FAT3: variants seen among roughly 807,000 people sequenced by gnomAD.
FAT3 encodes protocadherin Fat 3.
Under a neutral mutation model 310.2 loss-of-function variants are expected in FAT3, and 95 were observed. The observed-to-expected ratio is 0.31, with a 90% confidence interval of 0.26 to 0.36. FAT3 has a LOEUF of 0.36. FAT3 is among the 10% of genes least tolerant of loss of function. FAT3 has a pLI of 1.00. For synonymous variants in FAT3, 2,314 were observed against 2,192.9 expected (o/e 1.06, Z -1.54); for missense variants, 5,408 against 5,715.6 (o/e 0.95, Z 1.74).
At chr11:92,829,245 T>C (rs577027656) in intron 13 of FAT3, among the ~76,000 whole-genome samples, 35 of 152,256 alleles carry the variant, frequency 2.3e-4, no homozygotes, top group African/African-American at 7.9e-4. Context: ...ATCAGTGAAA[T>C]GGATTTTGTA....
intron 4 of FAT3, among the ~76,000 whole-genome samples, chr11:92,698,048 G>A (rs1469105556): frequency 6.6e-6 from 1 of 152,156 alleles, no homozygotes; most frequent in African/African-American, 2.4e-5. Flanking sequence ...CTTTCTTTAA[G>A]CATCGAGTGT....
At chr11:92,783,569 G>A (rs963593591) in intron 7 of FAT3, among the ~76,000 whole-genome samples, 4 of 151,182 alleles carry the variant, frequency 2.6e-5, no homozygotes, top group African/African-American at 9.7e-5. Context: ...CACTTTGGGA[G>A]GCCAAGGTGG....
At chr11:92,688,579 G>A (rs1343265556) in intron 3 of FAT3, among the ~76,000 whole-genome samples, 2 of 152,078 alleles carry the variant, frequency 1.3e-5, no homozygotes, top group African/African-American at 4.8e-5. Context: ...CTCTGGGTGT[G>A]GGACCCTGAC....
At chr11:92,752,011 C>T (rs1220759512) in intron 4 of FAT3, among the ~76,000 whole-genome samples, 3 of 152,016 alleles carry the variant, frequency 2.0e-5, no homozygotes, top group African/African-American at 7.2e-5. Context: ...AGCAGGCGTG[C>T]AATAAGTGCT....
intron 2 of FAT3, chr11:92,406,617 G>A (rs549858753): frequency 1.3e-5 from 2 of 152,170 alleles, no homozygotes; most frequent in African/African-American, 2.4e-5. Context: ...TTGCTGCCAC[G>A]AAAGCTGTGC....
chr11:92,758,990 A>T (rs935757367), intron 4 of FAT3, among the ~76,000 whole-genome samples: 15 of 152,206 alleles, frequency 9.9e-5, no homozygotes, highest in Non-Finnish European at 1.9e-4. Flanking sequence ...TCCAGAAAGT[A>T]GATTACTAGT....
chr11:92,377,862 A>G (rs771693619), intron 2 of FAT3, among the ~76,000 whole-genome samples: 3 of 152,214 alleles, frequency 2.0e-5, no homozygotes, highest in Non-Finnish European at 4.4e-5. Flanking sequence ...CAAAGGTTAA[A>G]TTAGATGAGG....
chr11:92,407,562 A>G (rs1378017842), intron 2 of FAT3, among the ~76,000 whole-genome samples: 1 of 152,136 alleles, frequency 6.6e-6, no homozygotes, highest in East Asian at 1.9e-4. Flanking sequence ...TTTGAGAGGA[A>G]ATGCCCTTGA....
intron 2 of FAT3, among the ~76,000 whole-genome samples, chr11:92,412,562 C>T (rs1166798790): frequency 5.4e-5 from 8 of 147,988 alleles, no homozygotes; most frequent in Non-Finnish European, 1.2e-4. Context: ...CTGGAGACTC[C>T]ATAACTATTA....
chr11:92,633,795 A>G (rs1941649824), intron 3 of FAT3, among the ~76,000 whole-genome samples: 1 of 152,162 alleles, frequency 6.6e-6, no homozygotes, highest in African/African-American at 2.4e-5. Flanking sequence ...GTGATTTTCA[A>G]TAAGTGAAGT....
At chr11:92,264,346 C>T (rs1945873778) in intron 1 of FAT3, among the ~76,000 whole-genome samples, 1 of 152,188 alleles carries the variant, frequency 6.6e-6, no homozygotes, top group African/African-American at 2.4e-5. Flanking sequence ...GGGCTAACTG[C>T]ATCAGTTTCC....
At chr11:92,848,582 G>A (rs1374458346) in intron 19 of FAT3, among the ~76,000 whole-genome samples, 1 of 152,228 alleles carries the variant, frequency 6.6e-6, no homozygotes, top group East Asian at 1.9e-4. Flanking sequence ...CCAGTTGGAT[G>A]GACTGCCAGT....
At chr11:92,563,825 A>G (rs2135478624) in intron 3 of FAT3, among the ~76,000 whole-genome samples, 1 of 152,288 alleles carries the variant, frequency 6.6e-6, no homozygotes, top group African/African-American at 2.4e-5. Flanking sequence ...TACTTTACAG[A>G]CAAGCAATGC....
At chr11:92,396,304 A>G (rs1182421587) in intron 2 of FAT3, among the ~76,000 whole-genome samples, 1 of 152,168 alleles carries the variant, frequency 6.6e-6, no homozygotes, top group African/African-American at 2.4e-5. Flanking sequence ...AAGTGTAACT[A>G]GTCCCAAACC....
chr11:92,459,303 C>T (rs946374999), intron 2 of FAT3, among the ~76,000 whole-genome samples: 12 of 152,130 alleles, frequency 7.9e-5, no homozygotes, highest in East Asian at 1.9e-4. Context: ...CTCTTACCTG[C>T]GGGGAGTTCC....
At chr11:92,293,035 AGG>A (rs1946732389) in intron 1 of FAT3, among the ~76,000 whole-genome samples, 1 of 125,906 alleles carries the variant, frequency 7.9e-6, no homozygotes, top group African/African-American at 3.2e-5. Context: ...GAAGGAAGGA[AGG>A]AAGGAAGGAA....
chr11:92,797,024 C>A (rs902764082), intron 9 of FAT3, among the ~76,000 whole-genome samples: 1 of 152,168 alleles, frequency 6.6e-6, no homozygotes, highest in Non-Finnish European at 1.5e-5. Flanking sequence ...TTTCTTGGTA[C>A]ACTAGAAACA....
intron 1 of FAT3, among the ~76,000 whole-genome samples, chr11:92,321,801 A>T (rs1947627135): frequency 6.6e-6 from 1 of 152,176 alleles, no homozygotes; most frequent in Admixed American, 6.5e-5. Context: ...GTCAGATTAA[A>T]TCTAAATGCA....
intron 2 of FAT3, among the ~76,000 whole-genome samples, chr11:92,442,796 C>T (rs1368714410): frequency 6.6e-6 from 1 of 152,114 alleles, no homozygotes; most frequent in Non-Finnish European, 1.5e-5. Context: ...GAAAGGAACC[C>T]CAAATGACAG....
Sources: allele counts gnomAD v4.1 joint callset (sites outside exome capture counted in the v4.1 genomes callset), GRCh38; gene constraint gnomAD v4.1.1; transcripts MANE v1.5; gene names NCBI Gene and HGNC (gene_info 2026-07-23, HGNC 2026-07-21).